MTDH: variants seen among roughly 807,000 people sequenced by gnomAD.
MTDH encodes the protein protein LYRIC.
In MTDH, 34 loss-of-function variants were observed where a neutral mutation model predicts 72.7. The observed-to-expected ratio is 0.47, with a 90% CI of 0.36 to 0.62. The LOEUF (loss-of-function observed/expected upper bound fraction) is 0.62, where lower values mean the gene tolerates loss of function less well. MTDH is among the 20% of genes least tolerant of loss of function. The pLI is 0.00. For missense variants in MTDH, 677 were observed against 699.4 expected, an observed-to-expected ratio of 0.97 and a Z score of 0.36; for synonymous variants, 266 against 268.9, an observed-to-expected ratio of 0.99 and a Z score of 0.10.
chr8:97,649,059 A>G (rs567817130), intron 1 of MTDH, among the ~76,000 whole-genome samples: 1 of 152,324 alleles, frequency 6.6e-6, no homozygotes, highest in South Asian at 2.1e-4. Flanking sequence ...ATACACAAAC[A>G]CTTACCATTG....
At chr8:97,669,218 C>A (rs1195933121) in intron 2 of MTDH, among the ~76,000 whole-genome samples, 8 of 152,030 alleles carry the variant, frequency 5.3e-5, no homozygotes, top group Admixed American at 5.2e-4. Flanking sequence ...GCACGATCTC[C>A]GCTCACTGCA....
rs913152314 is a variant in MTDH at position 97,684,548 on chromosome 8, T to A, written c.484-2120T>A. ...TGCTATATGAGCAGAGTTCTGTGGTTGCTCCAAAACCCTGTGGCTTGCAAA... is the reference window on the plus strand; with the variant it reads ...TGCTATATGAGCAGAGTTCTGTGGTAGCTCCAAAACCCTGTGGCTTGCAAA... On this transcript the variant is annotated intron_variant, in intron 2 of 11. Transcript: ENST00000336273. 3.3e-4 allele frequency among the ~76,000 whole-genome samples: 50 copies of A among 152,220 alleles called. 1 individual carries two copies. The highest frequency in any genetic ancestry group is 6.5e-4 in the Admixed American group (10 of 15,274).
At chr8:97,670,075 G>T (rs1050130272) in intron 2 of MTDH, among the ~76,000 whole-genome samples, 1 of 152,150 alleles carries the variant, frequency 6.6e-6, no homozygotes, top group Non-Finnish European at 1.5e-5. Flanking sequence ...ATCACTTTAG[G>T]AGGCTGAGAC....
chr8:97,702,974 A>G (rs1479505500), intron 7 of MTDH, among the ~76,000 whole-genome samples: 2 of 152,258 alleles, frequency 1.3e-5, no homozygotes, highest in East Asian at 3.8e-4. Flanking sequence ...AACTTTAGCG[A>G]TAAGAAATTA....
At chr8:97,689,856 C>T (rs1414389614) in intron 5 of MTDH, among the ~76,000 whole-genome samples, 1 of 151,500 alleles carries the variant, frequency 6.6e-6, no homozygotes, top group Admixed American at 6.6e-5. Context: ...TACAGGCGCC[C>T]ACCACCATAC....
intron 2 of MTDH, among the ~76,000 whole-genome samples, chr8:97,670,015 C>T (rs556555176): frequency 4.6e-5 from 7 of 152,064 alleles, no homozygotes; most frequent in African/African-American, 9.6e-5. Flanking sequence ...TTTCTCTCAC[C>T]GCTATAAAGA....
At chr8:97,691,809 T>C (rs1247964463) in intron 6 of MTDH, among the ~76,000 whole-genome samples, 1 of 152,130 alleles carries the variant, frequency 6.6e-6, no homozygotes, top group African/African-American at 2.4e-5. Flanking sequence ...CAACTGCTGT[T>C]ATTTATATTT....
chr8:97,713,572 C>A, intron 8 of MTDH, 90 bp from the exon 9 acceptor site: 1 of 700,128 alleles, frequency 1.4e-6, no homozygotes, highest in Non-Finnish European at 2.4e-6. Context: ...GAAGACTGTA[C>A]CTAATGAATG....
At chr8:97,716,311 G>A (rs776348371) in intron 9 of MTDH, among the ~76,000 whole-genome samples, 1 of 152,092 alleles carries the variant, frequency 6.6e-6, no homozygotes, top group Non-Finnish European at 1.5e-5. Flanking sequence ...ACTTGAACCC[G>A]GGAGGCGGAG....
At chr8:97,683,228 C>G (rs1813213318) in intron 2 of MTDH, among the ~76,000 whole-genome samples, 2 of 151,140 alleles carry the variant, frequency 1.3e-5, no homozygotes, top group Non-Finnish European at 2.9e-5. Flanking sequence ...CCACACCTGG[C>G]TAATTTTTTG....
chr8:97,669,155 TA>T (rs1413730379), intron 2 of MTDH, among the ~76,000 whole-genome samples: 6 of 152,210 alleles, frequency 3.9e-5, no homozygotes, highest in African/African-American at 1.4e-4. Context: ...CACCACAATC[TA>T]ATTTTTTTTT....
chr8:97,695,983 T>C (rs1047262439), intron 6 of MTDH, among the ~76,000 whole-genome samples: 1 of 152,222 alleles, frequency 6.6e-6, no homozygotes, highest in Admixed American at 6.5e-5. Flanking sequence ...AGTCACTTAA[T>C]TGCTCCAAAA....
chr8:97,713,209 C>A (rs951527790), intron 8 of MTDH, among the ~76,000 whole-genome samples: 1 of 152,108 alleles, frequency 6.6e-6, no homozygotes, highest in Non-Finnish European at 1.5e-5. Flanking sequence ...TTTAGCCTCC[C>A]GAGTAGCTGG....
In MTDH at chr8:97,723,048, C is replaced by T. The variant is rs1815193634; in HGVS notation, c.1678+13C>T. 6.2e-7 allele frequency: 1 copy of T among 1,611,138 alleles called. No individual in the cohort carries two copies. Among genetic ancestry groups the T allele is most frequent in the Non-Finnish European group, 8.5e-7 (1 of 1,178,720 alleles). ...CCTCCTTCACAGAGTAAGTAATCCT[C>T]ATTTTTTGTTCCTTTGTACTGTTTA... is the stretch of plus-strand genomic sequence containing the variant. On this transcript the variant is annotated intron_variant, in intron 11 of 11. Coordinates refer to ENST00000336273, the MANE Select transcript of MTDH (RefSeq NM_178812.4).
chr8:97,652,470 A>G (rs562027090), intron 1 of MTDH, among the ~76,000 whole-genome samples: 7 of 152,082 alleles, frequency 4.6e-5, no homozygotes, highest in African/African-American at 9.7e-5. Context: ...TTCTGTCTCA[A>G]CCCCTTAGAT....
chr8:97,719,118 C>G lies in MTDH; in HGVS notation c.1450C>G (p.Gln484Glu). Residue 484 changes from glutamine (Q) to glutamate (E), a missense_variant, in exon 10 of 12, where the codon CAG becomes GAG. Around this residue, in one of 3 missense-constraint regions of MTDH, gnomAD observed 201 missense variants for 204.5 expected, o/e 0.98. Coordinates refer to ENST00000336273, the MANE Select transcript of MTDH (RefSeq NM_178812.4). ...PVNTSKTRPK[Q>E]EKAFSLKTIS... ...GAATACCTCTAAAACCCGTCCAAAA[C>G]AGGAAAAAGCTTTTTCCTTGAAGAC... The G allele has an allele frequency of 6.2e-7, 1 of 1,613,916 alleles. No homozygotes were observed.
At chr8:97,647,375 A>G (rs1196699551) in intron 1 of MTDH, among the ~76,000 whole-genome samples, 2 of 152,202 alleles carry the variant, frequency 1.3e-5, no homozygotes, top group Non-Finnish European at 2.9e-5. Context: ...CGACCTGGGC[A>G]ATATAGTGAG....
chr8:97,688,067 A>G (rs970642888), intron 4 of MTDH, among the ~76,000 whole-genome samples: 6 of 152,140 alleles, frequency 3.9e-5, no homozygotes, highest in East Asian at 1.9e-4. Context: ...AATATTATAG[A>G]TGTTTGATAG....
intron 1 of MTDH, among the ~76,000 whole-genome samples, chr8:97,645,232 T>C (rs1267488934): frequency 6.6e-6 from 1 of 152,098 alleles, no homozygotes; most frequent in Admixed American, 6.6e-5. Flanking sequence ...GTAGGCTGCA[T>C]GTGGAGCGTA....
Sources: gnomAD v4.1 joint callset for allele counts (sites outside exome capture counted in the v4.1 genomes callset) on GRCh38, gnomAD v4.1.1 for gene constraint, gnomAD v4.1.1 regional missense constraint, MANE v1.5 for transcripts, NCBI Gene and HGNC (gene_info 2026-07-23, HGNC 2026-07-21) for gene names.